SUCLG2: variants seen among roughly 807,000 people sequenced by gnomAD.
SUCLG2 encodes succinate-CoA ligase GDP-forming subunit beta, also known as succinate--CoA ligase [GDP-forming] subunit beta, mitochondrial.
Under a neutral mutation model 47.9 loss-of-function variants are expected in SUCLG2, and 42 were observed. That is an observed-to-expected ratio of 0.88 (90% CI 0.69 to 1.14). The LOEUF (loss-of-function observed/expected upper bound fraction) is 1.14. SUCLG2 is among the 50% of genes most tolerant of loss of function. SUCLG2 has a pLI of 0.00. For synonymous variants in SUCLG2, 195 were observed against 197.3 expected, an observed-to-expected ratio of 0.99 and a Z score of 0.10; for missense variants, 571 against 525.9, an observed-to-expected ratio of 1.09 and a Z score of -0.84.
intron 9 of SUCLG2, among the ~76,000 whole-genome samples, chr3:67,487,503 C>T (rs1034187639): frequency 1.3e-5 from 2 of 151,408 alleles, no homozygotes; most frequent in African/African-American, 4.9e-5. Flanking sequence ...CACATATACA[C>T]ACACACACAC....
chr3:67,514,383 A>C lies in SUCLG2; in HGVS notation c.660+3864T>G, dbSNP rs909048346. 7 of 323,296 alleles carry C rather than the reference A, an allele frequency of 2.2e-5. No homozygotes were observed. The Admixed American group carries it at 2.3e-4, about 11-fold the overall frequency. The allele number at this position is 323,296 out of a possible 1,614,324, so 20.0% of individuals were successfully genotyped here. On this transcript the variant is annotated intron_variant, in intron 6 of 10. Transcript: ENST00000307227. Reference sequence around the variant, plus strand: ...AATAAATCGTCTATTAATCAAACAAAAATCTCAACAGGTTAAGAATTTTAA... The same window carrying C: ...AATAAATCGTCTATTAATCAAACAACAATCTCAACAGGTTAAGAATTTTAA...
intron 2 of SUCLG2, among the ~76,000 whole-genome samples, chr3:67,596,694 G>A (rs1708301543): frequency 6.6e-6 from 1 of 152,084 alleles, no homozygotes; most frequent in African/African-American, 2.4e-5. Flanking sequence ...ATTATTTCAG[G>A]TACTCAATAA....
At chr3:67,571,296 A>G (rs990966871) in intron 2 of SUCLG2, among the ~76,000 whole-genome samples, 2 of 152,102 alleles carry the variant, frequency 1.3e-5, no homozygotes, top group Non-Finnish European at 2.9e-5. Flanking sequence ...GCTGCTAACC[A>G]TCCTACAATG....
At chr3:67,598,799 A>C (rs1280988156) in intron 2 of SUCLG2, among the ~76,000 whole-genome samples, 1 of 152,112 alleles carries the variant, frequency 6.6e-6, no homozygotes, top group Non-Finnish European at 1.5e-5. Flanking sequence ...CATTCCTCCC[A>C]CCAAACCCAT....
chr3:67,510,889 CTTTTT>C (rs369542916), intron 6 of SUCLG2, among the ~76,000 whole-genome samples: 4 of 124,154 alleles, frequency 3.2e-5, no homozygotes, highest in African/African-American at 3.0e-5. Context: ...TTAAATTGTT[CTTTTT>C]TTTTTTTTTT....
In SUCLG2 at chr3:67,375,733, G is replaced by C; in HGVS notation, c.*11C>G. On this transcript the variant is annotated 3_prime_UTR_variant, in exon 11 of 11. Transcript: ENST00000307227. ...ATGGCTTTCTTTCTCCATTGGATCA[G>C]GACAAAGACATCACTTCTTGGCCAC... 1 of 1,610,380 alleles carries C rather than the reference G, an allele frequency of 6.2e-7. No individual in the cohort carries two copies. Among genetic ancestry groups the C allele is most frequent in the Non-Finnish European group, 8.5e-7 (1 of 1,178,798 alleles).
At chr3:67,568,826 G>T (rs911516019) in intron 2 of SUCLG2, among the ~76,000 whole-genome samples, 4 of 152,166 alleles carry the variant, frequency 2.6e-5, no homozygotes, top group Non-Finnish European at 5.9e-5. Context: ...GGCGGAGCTT[G>T]CAGTGAGCCG....
intron 9 of SUCLG2, among the ~76,000 whole-genome samples, chr3:67,459,208 A>G (rs1243969283): frequency 1.3e-5 from 2 of 152,110 alleles, no homozygotes; most frequent in African/African-American, 4.8e-5. Context: ...TATTTAAGCT[A>G]ACGTGGCCTG....
chr3:67,531,568 G>C (rs1706405393), intron 2 of SUCLG2, among the ~76,000 whole-genome samples: 1 of 152,204 alleles, frequency 6.6e-6, no homozygotes, highest in Non-Finnish European at 1.5e-5. Flanking sequence ...GCAAAACAGT[G>C]TTGGTAGAAC....
At chr3:67,498,997 A>G (rs891512672) in intron 7 of SUCLG2, among the ~76,000 whole-genome samples, 2 of 152,216 alleles carry the variant, frequency 1.3e-5, no homozygotes, top group African/African-American at 4.8e-5. Flanking sequence ...TGCAAGGCCA[A>G]CTGCAGGAAT....
rs1040400543 is a variant in SUCLG2 at position 67,499,997 on chromosome 3, C to T, written c.758-1702G>A. On this transcript the variant is annotated intron_variant, in intron 7 of 10. Coordinates refer to ENST00000307227, the MANE Select transcript of SUCLG2 (RefSeq NM_003848.4). ...CTGCCCACCTCAGCCTCCCAAAGTG[C>T]TGGGATTACAGGTGTGAGCCACTGC... 7.9e-5 allele frequency among the ~76,000 whole-genome samples: 12 copies of T among 152,218 alleles called. 1 individual carries two copies. The South Asian group carries it at 2.5e-3, about 32-fold the overall frequency.
chr3:67,495,807 A>G lies in SUCLG2; in HGVS notation c.1053T>C (p.Ala351=), dbSNP rs1244817112. The G allele has an allele frequency of 1.2e-6, 2 of 1,613,884 alleles. No homozygotes were observed. The highest frequency in any genetic ancestry group is 1.7e-6 in the Non-Finnish European group (2 of 1,179,962). ...QVYQAFKLLT[A]DPKVEAILVN... is the part of the protein sequence containing the mutation. ...CAAAGAGAAAGGTTACCTTAGGATC[A>G]GCTGTGAGCAATTTGAATGCTTGAT... The change falls in exon 9 of 11, where the codon GCT becomes GCC. Residue 351 remains alanine, a synonymous_variant. Transcript: ENST00000307227.
At chr3:67,634,096 T>C (rs966372288) in intron 1 of SUCLG2, among the ~76,000 whole-genome samples, 3 of 152,188 alleles carry the variant, frequency 2.0e-5, no homozygotes, top group African/African-American at 4.8e-5. Flanking sequence ...CCATATATTA[T>C]CTAAGCCTAA....
chr3:67,446,931 T>G (rs1333413822), intron 9 of SUCLG2, among the ~76,000 whole-genome samples: 1 of 152,216 alleles, frequency 6.6e-6, no homozygotes, highest in Non-Finnish European at 1.5e-5. Context: ...CTTAATAAGA[T>G]GCAAATTTTT....
chr3:67,442,159 C>T (rs894508995), intron 9 of SUCLG2, among the ~76,000 whole-genome samples: 19 of 148,810 alleles, frequency 1.3e-4, no homozygotes, highest in African/African-American at 2.5e-4. Flanking sequence ...TACAGGCGCC[C>T]GCCACTACGC....
At chr3:67,628,919 G>A (rs1280162199) in intron 1 of SUCLG2, among the ~76,000 whole-genome samples, 1 of 152,172 alleles carries the variant, frequency 6.6e-6, no homozygotes, top group Non-Finnish European at 1.5e-5. Flanking sequence ...ACAGGAGAAC[G>A]TTATCAGTGA....
chr3:67,477,915 TACAC>T (rs1235599996), intron 9 of SUCLG2, among the ~76,000 whole-genome samples: 2 of 152,222 alleles, frequency 1.3e-5, no homozygotes, highest in Admixed American at 6.5e-5. Flanking sequence ...AGCTAGCACT[TACAC>T]AGACACTGTT....
rs1326973660 is a variant in SUCLG2 at position 67,631,025 on chromosome 3, A to G, written c.85-21429T>C. On this transcript the variant is annotated intron_variant, in intron 1 of 10. Coordinates refer to ENST00000307227, the MANE Select transcript of SUCLG2 (RefSeq NM_003848.4). ...GTCCTATGAAGAAGACCAATGTCCTATAAGAAGATGCAGATAAACTTCTTG... is the reference window on the plus strand; with the variant it reads ...GTCCTATGAAGAAGACCAATGTCCTGTAAGAAGATGCAGATAAACTTCTTG... 2.0e-5 allele frequency among the ~76,000 whole-genome samples: 3 copies of G among 152,234 alleles called. 1 individual carries two copies. Among genetic ancestry groups the G allele is most frequent in the Non-Finnish European group, 4.4e-5 (3 of 68,040 alleles).
At position 67,582,314 on chromosome 3, in the gene SUCLG2, T is replaced by G. The variant is rs974546403; in HGVS notation, c.226+27141A>C. Among the ~76,000 whole-genome samples, 27 of 152,282 alleles carry G rather than the reference T, an allele frequency of 1.8e-4. 1 individual carries two copies. The East Asian group carries it at 3.5e-3, about 20-fold the overall frequency. On this transcript the variant is annotated intron_variant, in intron 2 of 10. Coordinates refer to ENST00000307227, the MANE Select transcript of SUCLG2 (RefSeq NM_003848.4). ...TCAGTGTCTGTTGTTCTCTTCTTTG[T>G]GTCCATATGTACTCAATGTTTAGCT...
Sources: gnomAD v4.1 joint callset for allele counts (sites outside exome capture counted in the v4.1 genomes callset) on GRCh38, gnomAD v4.1.1 for gene constraint, MANE v1.5 for transcripts, NCBI Gene and HGNC (gene_info 2026-07-23, HGNC 2026-07-21) for gene names.